Variants in STAMBPL1 observed in about 807,000 individuals in gnomAD.
The protein encoded by STAMBPL1 is STAM binding protein like 1, also known as AMSH-like protease.
A neutral mutation model predicts 52.9 loss-of-function variants in STAMBPL1; 44 were observed. The observed-to-expected ratio is 0.83, with a 90% confidence interval of 0.65 to 1.07. The LOEUF (loss-of-function observed/expected upper bound fraction) is 1.07. Among genes scored for constraint, STAMBPL1 ranks in the 50% least tolerant of loss-of-function variants. The pLI is 0.00. For synonymous variants in STAMBPL1, 164 were observed against 177.3 expected (o/e 0.92, Z 0.60); for missense variants, 511 against 520.8 (o/e 0.98, Z 0.18).
Position 88,908,748 on chromosome 10 carries a change from G to A in STAMBPL1, c.295G>A (p.Ala99Thr), listed in dbSNP as rs1470992795. The A allele has an allele frequency of 1.2e-6, 2 of 1,608,628 alleles. No homozygotes were observed. The highest frequency in any genetic ancestry group is 1.3e-5 in the African/African-American group (1 of 74,446). ...TAACCATCGAGATTACCAGCAATGTGCAGTACCTGAAAAGCAGGATATTAT... is the reference window on the plus strand; with the variant it reads ...TAACCATCGAGATTACCAGCAATGTACAGTACCTGAAAAGCAGGATATTAT... ...LPNHRDYQQC[A>T]VPEKQDIMKK... is the part of the protein sequence containing the mutation. Residue 99 changes from alanine to threonine, a missense_variant, in exon 4 of 11, where the codon GCA becomes ACA. Physicochemically the swap from Ala to Thr is moderately conservative, Grantham distance 58 (BLOSUM62 0). This residue lies in a region of STAMBPL1 where 358 missense variants were observed against 343.5 expected (regional missense o/e 1.04). Coordinates refer to ENST00000371926, the MANE Select transcript of STAMBPL1 (RefSeq NM_020799.4).
At chr10:88,901,631 G>C in intron 1 of STAMBPL1, 25 bp from the exon 2 acceptor site, 1 of 1,509,744 alleles carries the variant, frequency 6.6e-7, no homozygotes, top group South Asian at 1.2e-5. Flanking sequence ...AATAACTTTA[G>C]TTCTGCTTCT....
Position 88,919,940 on chromosome 10 carries a change from C to T in STAMBPL1, c.1042-1343C>T, listed in dbSNP as rs73364861. Among the ~76,000 whole-genome samples the T allele has an allele frequency of 4.6e-3, 703 of 152,014 alleles. 6 individuals carry two copies. Among genetic ancestry groups the T allele is most frequent in the African/African-American group, 0.016 (661 of 41,480 alleles). ...AGCCTCAACCTCCCTGGCTCAAGCG[C>T]TCCTCTCACCTCAGCCCCCTCAAGT... is the stretch of plus-strand genomic sequence containing the variant. On this transcript the variant is annotated intron_variant, in intron 8 of 10. Transcript: ENST00000371926.
At chr10:88,902,691 C>T (rs184371344) in intron 2 of STAMBPL1, among the ~76,000 whole-genome samples, 31 of 152,252 alleles carry the variant, frequency 2.0e-4, no homozygotes, top group Non-Finnish European at 3.5e-4. Flanking sequence ...CTGCCTCAGC[C>T]TCCTGAGTAG....
chr10:88,907,285 A>G (rs1341111126), intron 3 of STAMBPL1, among the ~76,000 whole-genome samples: 1 of 152,214 alleles, frequency 6.6e-6, no homozygotes, highest in Non-Finnish European at 1.5e-5. Context: ...ATGGTATGCA[A>G]AAATTGAGAT....
rs1198984913 is a variant in STAMBPL1, at chr10:88,880,570, A to G, written c.-122A>G. The G allele has an allele frequency of 1.3e-5, 2 of 152,264 alleles. No individual in the cohort carries two copies. Among genetic ancestry groups the G allele is most frequent in the African/African-American group, 4.8e-5 (2 of 41,472 alleles). The allele number at this position is 152,264 out of a possible 1,614,324, so 9.4% of individuals were successfully genotyped here. A position where few individuals can be genotyped will look rare whatever the true frequency, so the allele number is the denominator to read the frequency against. On this transcript the variant is annotated 5_prime_UTR_variant, in exon 1 of 11. Transcript: ENST00000371926. ...CAGCAGCCGGACGGATGCCAAGGCC[A>G]CACGGCAGCCACGGGGGCAGCCGTC...
chr10:88,895,873 ACTTT>A (rs1844799038), intron 1 of STAMBPL1, among the ~76,000 whole-genome samples: 1 of 152,160 alleles, frequency 6.6e-6, no homozygotes. Context: ...CCAGTATGTG[ACTTT>A]CTTGCACTCA....
chr10:88,893,789 G>A (rs1184997667), intron 1 of STAMBPL1: 2 of 152,146 alleles, frequency 1.3e-5, no homozygotes, highest in South Asian at 2.1e-4. Flanking sequence ...TTCTTTGGCA[G>A]GGAGGAGATA....
intron 3 of STAMBPL1, among the ~76,000 whole-genome samples, chr10:88,908,268 A>T (rs920444047): frequency 6.6e-6 from 1 of 151,924 alleles, no homozygotes; most frequent in Non-Finnish European, 1.5e-5. Flanking sequence ...GTTTTTTGAT[A>T]CACGATGGCG....
chr10:88,903,251 G>A (rs941203178), intron 2 of STAMBPL1, among the ~76,000 whole-genome samples: 1 of 152,090 alleles, frequency 6.6e-6, no homozygotes, highest in African/African-American at 2.4e-5. Context: ...TTTTAAATTT[G>A]GGAAGGTCCA....
At chr10:88,897,517 C>T (rs1045744318) in intron 1 of STAMBPL1, among the ~76,000 whole-genome samples, 2 of 152,120 alleles carry the variant, frequency 1.3e-5, no homozygotes, top group African/African-American at 4.8e-5. Context: ...TTAAACAGAT[C>T]ACAAGGCTGT....
rs1163523242 is a variant in STAMBPL1, at chr10:88,922,304, A to G, written c.1155-33A>G. 4 of 1,607,062 alleles carry G rather than the reference A, an allele frequency of 2.5e-6. No homozygotes were observed. The African/African-American group carries it at 5.4e-5, about 22-fold the overall frequency. ...ATCTGGAATGCCCAAATGATCCTTA[A>G]TTTTTCTATCTTGTTTTTGCTCTGA... On this transcript the variant is annotated intron_variant, in intron 9 of 10. Coordinates refer to ENST00000371926, the MANE Select transcript of STAMBPL1 (RefSeq NM_020799.4).
chr10:88,911,036 T>C, intron 5 of STAMBPL1, 25 bp downstream of exon 5: 2 of 1,407,686 alleles, frequency 1.4e-6, no homozygotes, highest in Middle Eastern at 1.9e-4. Flanking sequence ...TACATTTATT[T>C]CATGACTATT....
intron 7 of STAMBPL1, 130 bp downstream of exon 7, chr10:88,914,788 G>A (rs1170514218): frequency 6.5e-5 from 21 of 324,682 alleles, no homozygotes; most frequent in Non-Finnish European, 9.6e-5. Context: ...TGAAATTAAC[G>A]TTACACAGAT....
intron 1 of STAMBPL1, among the ~76,000 whole-genome samples, chr10:88,890,472 C>A (rs1285480850): frequency 6.6e-6 from 1 of 152,140 alleles, no homozygotes; most frequent in South Asian, 2.1e-4. Flanking sequence ...CCCGCAAAGA[C>A]GGTGAAAACC....
Position 88,908,726 on chromosome 10 carries a change from C to T in STAMBPL1, c.273C>T (p.Asn91=), listed in dbSNP as rs1384490324. 8.7e-6 allele frequency: 14 copies of T among 1,610,022 alleles called. No individual in the cohort carries two copies. Among genetic ancestry groups the T allele is most frequent in the Admixed American group, 8.5e-5 (5 of 59,008 alleles). Residue 91 remains asparagine (N), a synonymous_variant, in exon 4 of 11, where the codon AAC becomes AAT. Transcript: ENST00000371926. Reference sequence around the variant, plus strand: ...GCTTATTTGTAGAAAAGCTTCCTAACCATCGAGATTACCAGCAATGTGCAG... The same window carrying T: ...GCTTATTTGTAGAAAAGCTTCCTAATCATCGAGATTACCAGCAATGTGCAG... ...FITLFVEKLP[N]HRDYQQCAVP...
At chr10:88,884,676 T>C (rs1408394718) in intron 1 of STAMBPL1, among the ~76,000 whole-genome samples, 3 of 152,256 alleles carry the variant, frequency 2.0e-5, no homozygotes, top group Non-Finnish European at 4.4e-5. Context: ...CAGCATTCTT[T>C]CCTGCGGAGC....
At chr10:88,903,272 G>A in intron 2 of STAMBPL1, among the ~76,000 whole-genome samples, 1 of 151,936 alleles carries the variant, frequency 6.6e-6, no homozygotes, top group African/African-American at 2.4e-5. Flanking sequence ...TTCAGAAGAG[G>A]AAAAATCAAT....
intron 2 of STAMBPL1, among the ~76,000 whole-genome samples, chr10:88,904,825 T>G (rs1272828796): frequency 6.6e-6 from 1 of 152,200 alleles, no homozygotes; most frequent in Admixed American, 6.5e-5. Context: ...TACTATTATA[T>G]GGAGGTCTGA....
In STAMBPL1 at chr10:88,913,144, G is replaced by A. The variant is rs760974559; in HGVS notation, c.464G>A (p.Arg155Lys). Residue 155 changes from arginine (R) to lysine (K), a missense_variant, in exon 6 of 11, where the codon AGA becomes AAA. By Grantham distance (26) the Arg-to-Lys change is conservative. Coordinates refer to ENST00000371926, the MANE Select transcript of STAMBPL1 (RefSeq NM_020799.4). ...AEILKKLEHQ[R>K]LIEAERKRIA... ...ATTCTCAAAAAATTGGAGCATCAGA[G>A]ATTGATAGAGGCAGAAAGGAAGCGG... 4.7e-5 allele frequency: 76 copies of A among 1,611,638 alleles called. No individual in the cohort carries two copies. The South Asian group carries it at 7.9e-4, about 17-fold the overall frequency.
Sources: gnomAD v4.1 joint callset for allele counts (sites outside exome capture counted in the v4.1 genomes callset) on GRCh38, gnomAD v4.1.1 for gene constraint, gnomAD v4.1.1 regional missense constraint, MANE v1.5 for transcripts, NCBI Gene and HGNC (gene_info 2026-07-23, HGNC 2026-07-21) for gene names.